Variants in TACC2 observed in about 807,000 individuals in gnomAD.
TACC2 encodes transforming acidic coiled-coil containing protein 2.
In TACC2, 137 loss-of-function variants were observed where a neutral mutation model predicts 227.3. The observed-to-expected ratio is 0.60, with a 90% CI of 0.52 to 0.69. The LOEUF is 0.69. Ranked by LOEUF, TACC2 falls within the 30% of genes least tolerant of loss-of-function variation. TACC2 has a pLI of 0.00. For synonymous variants in TACC2, 1,523 were observed against 1,487.5 expected, an observed-to-expected ratio of 1.02 and a Z score of -0.55; for missense variants, 3,470 against 3,694.4, an observed-to-expected ratio of 0.94 and a Z score of 1.57.
At chr10:122,168,050 CTTTTTTTTTTTT>C (rs57366476) in intron 7 of TACC2, among the ~76,000 whole-genome samples, 2 of 131,720 alleles carry the variant, frequency 1.5e-5, no homozygotes, top group Non-Finnish European at 1.6e-5. Context: ...CCATGCCCAG[CTTTTTTTTTTTT>C]TTTTTTTTTT....
Position 122,125,776 on chromosome 10 carries a change from CTTTTT to C in TACC2, c.5574-6819_5574-6815del, listed in dbSNP as rs67882679. On this transcript the variant is annotated intron_variant, in intron 5 of 22. Transcript: ENST00000369005. Reference sequence around the variant, plus strand: ...ACTCAAAGGCTACACAATATCCTTCCTTTTTTTTTTTTTTTTTTGAGAGGGAGTCT... The same window carrying C: ...ACTCAAAGGCTACACAATATCCTTCCTTTTTTTTTTTTTGAGAGGGAGTCT... 1.8e-4 allele frequency among the ~76,000 whole-genome samples: 21 copies of C among 117,216 alleles called. No individual in the cohort carries two copies. The Admixed American group carries it at 2.2e-3, about 12-fold the overall frequency. The allele number at this position is 117,216 out of a possible 152,430, so 76.9% of individuals were successfully genotyped here.
At chr10:122,189,408 T>C (rs574493652) in intron 7 of TACC2, among the ~76,000 whole-genome samples, 13 of 152,332 alleles carry the variant, frequency 8.5e-5, no homozygotes, top group African/African-American at 2.9e-4. Flanking sequence ...GCAGCTGCTC[T>C]TTCAGCCTGG....
chr10:122,191,865 A>T (rs1309873428), intron 7 of TACC2, among the ~76,000 whole-genome samples: 2 of 152,170 alleles, frequency 1.3e-5, no homozygotes, highest in Non-Finnish European at 2.9e-5. Context: ...AATTTCTTGT[A>T]CTTTGGGTTT....
intron 2 of TACC2, among the ~76,000 whole-genome samples, chr10:122,040,717 T>C (rs2074146540): frequency 6.6e-6 from 1 of 152,202 alleles, no homozygotes; most frequent in Non-Finnish European, 1.5e-5. Flanking sequence ...ATTCTAACAC[T>C]TCTATTGTCT....
chr10:122,022,181 T>A (rs1471122392), intron 2 of TACC2, 167 bp downstream of exon 2: 1 of 622,508 alleles, frequency 1.6e-6, no homozygotes, highest in Non-Finnish European at 2.8e-6. Flanking sequence ...TTCATTTCAT[T>A]GGAATTCTCT....
chr10:122,065,151 T>C (rs1175712590), intron 3 of TACC2, among the ~76,000 whole-genome samples: 1 of 152,204 alleles, frequency 6.6e-6, no homozygotes, highest in Non-Finnish European at 1.5e-5. Context: ...CGTTTCTAAG[T>C]GTACAGTTCA....
At position 122,087,937 on chromosome 10, in the gene TACC2, C is replaced by T. The variant is rs147160195; in HGVS notation, c.5437C>T (p.Pro1813Ser). ...THDPKLQHLA[P>S]EELHTDRESP... ...CGACCCGAAGCTGCAACATTTGGCT[C>T]CAGAAGAGCTCCACACTGACAGGTA... The change falls in exon 4 of 23, where the codon CCA (proline) becomes TCA (serine). Residue 1813 changes from proline (P) to serine (S), a missense_variant. Pro to Ser is a moderately conservative substitution (Grantham distance 74). Around this residue, in one of 10 missense-constraint regions of TACC2, gnomAD observed 1,924 missense variants for 1,978.3 expected, o/e 0.97. Transcript: ENST00000369005. 167 of 1,508,162 alleles carry T rather than the reference C, an allele frequency of 1.1e-4. 1 individual carries two copies. In the African/African-American group the frequency reaches 2.0e-3, roughly 18 times the overall value. 93.4% of individuals were successfully genotyped at this position (1,508,162 alleles called of 1,614,324 possible).
intron 8 of TACC2, among the ~76,000 whole-genome samples, chr10:122,203,505 C>T (rs1162474904): frequency 1.3e-5 from 2 of 151,248 alleles, no homozygotes; most frequent in Non-Finnish European, 3.0e-5. Flanking sequence ...GGCGGAGGGG[C>T]TCCTCACTTC....
intron 5 of TACC2, among the ~76,000 whole-genome samples, chr10:122,089,513 G>A (rs2137234700): frequency 6.6e-6 from 1 of 152,370 alleles, no homozygotes; most frequent in Non-Finnish European, 1.5e-5. Flanking sequence ...GCCACCTAGT[G>A]TTATGCAGAA....
intron 16 of TACC2, among the ~76,000 whole-genome samples, chr10:122,236,581 A>G (rs1048225185): frequency 2.6e-5 from 1 of 38,790 alleles, no homozygotes; most frequent in Non-Finnish European, 4.4e-5. Flanking sequence ...AAAAAGAATA[A>G]CCACAGATTC....
In TACC2 at chr10:122,201,162, A is replaced by ATGG. The variant is rs1593260952; in HGVS notation, c.5971+5986_5971+5987insTGG. ...CAGTGGCCACATCTACAGTCAGAGG[A>ATGG]CGGCCACCTCACCTGCCCACAGTGG... On this transcript the variant is annotated intron_variant, in intron 8 of 22. Coordinates refer to ENST00000369005, the MANE Select transcript of TACC2 (RefSeq NM_206862.4). Among the ~76,000 whole-genome samples the ATGG allele has an allele frequency of 1.4e-5, 2 of 146,034 alleles. 1 individual carries two copies. Among genetic ancestry groups the ATGG allele is most frequent in the Non-Finnish European group, 3.0e-5 (2 of 66,746 alleles).
intron 5 of TACC2, among the ~76,000 whole-genome samples, chr10:122,104,729 C>T (rs6585786): frequency 0.26 from 40,129 of 152,078 alleles, 6,184 homozygotes; most frequent in Middle Eastern, 0.39. Context: ...AGTTGGTGTG[C>T]TCATGGCATC....
intron 5 of TACC2, among the ~76,000 whole-genome samples, chr10:122,120,911 C>T (rs534412015): frequency 1.1e-4 from 17 of 152,236 alleles, no homozygotes; most frequent in South Asian, 8.3e-4. Flanking sequence ...ATTATAGATG[C>T]GTGCCACCAT....
intron 1 of TACC2, among the ~76,000 whole-genome samples, chr10:122,014,552 C>T (rs1055149496): frequency 2.0e-5 from 3 of 152,138 alleles, no homozygotes; most frequent in African/African-American, 7.2e-5. Flanking sequence ...AGCTCCCTGC[C>T]CCTCTCCACC....
intron 3 of TACC2, among the ~76,000 whole-genome samples, chr10:122,053,723 A>AGGTTCCCCACTGTTCAGGGCCCTT (rs2075946660): frequency 1.3e-5 from 2 of 152,196 alleles, no homozygotes; most frequent in Admixed American, 1.3e-4. Context: ...GGACTCTCAG[A>AGGTTCCCCACTGTTCAGGGCCCTT]GGTTCCCCAC....
intron 8 of TACC2, among the ~76,000 whole-genome samples, chr10:122,198,945 G>A (rs569260407): frequency 2.6e-5 from 4 of 152,388 alleles, no homozygotes; most frequent in Admixed American, 2.6e-4. Flanking sequence ...GAGTCAGTGG[G>A]TGATCAGTGG....
chr10:122,037,252 G>A (rs1343975755), intron 2 of TACC2, among the ~76,000 whole-genome samples: 1 of 152,262 alleles, frequency 6.6e-6, no homozygotes, highest in Non-Finnish European at 1.5e-5. Flanking sequence ...ATGGTGAGCT[G>A]TGCAGCCAGG....
intron 7 of TACC2, among the ~76,000 whole-genome samples, chr10:122,172,171 G>T (rs2093504631): frequency 6.6e-6 from 1 of 152,176 alleles, no homozygotes; most frequent in African/African-American, 2.4e-5. Context: ...AAGGCTGCAG[G>T]GATATGACCC....
chr10:122,107,562 C>A (rs1442490581), intron 5 of TACC2, among the ~76,000 whole-genome samples: 1 of 151,940 alleles, frequency 6.6e-6, no homozygotes, highest in Non-Finnish European at 1.5e-5. Context: ...GCACTCCACC[C>A]TGGGTGAGAA....
Sources: gnomAD v4.1 joint callset for allele counts (sites outside exome capture counted in the v4.1 genomes callset) on GRCh38, gnomAD v4.1.1 for gene constraint, gnomAD v4.1.1 regional missense constraint, MANE v1.5 for transcripts, NCBI Gene and HGNC (gene_info 2026-07-23, HGNC 2026-07-21) for gene names.